EPS15: variants seen among roughly 807,000 people sequenced by gnomAD.
EPS15 encodes the protein epidermal growth factor receptor pathway substrate 15.
In EPS15, 72 loss-of-function variants were observed where a neutral mutation model predicts 113.8. That is an observed-to-expected ratio of 0.63 (90% CI 0.52 to 0.77). The LOEUF (loss-of-function observed/expected upper bound fraction) is 0.77, where lower values mean the gene tolerates loss of function less well. Ranked by LOEUF, EPS15 falls within the 30% of genes least tolerant of loss-of-function variation. EPS15 has a pLI of 0.00. For missense variants in EPS15, 1,048 were observed against 1,045.8 expected (o/e 1.00, Z -0.03); for synonymous variants, 344 against 363.4 (o/e 0.95, Z 0.61).
At chr1:51,387,278 T>C (rs1001852777) in intron 21 of EPS15, among the ~76,000 whole-genome samples, 6 of 152,030 alleles carry the variant, frequency 3.9e-5, no homozygotes, top group East Asian at 3.9e-4. Flanking sequence ...CTGAGAGATT[T>C]TGTCACCACC....
chr1:51,366,782 A>G (rs1646517174), intron 21 of EPS15, among the ~76,000 whole-genome samples: 1 of 152,210 alleles, frequency 6.6e-6, no homozygotes, highest in South Asian at 2.1e-4. Context: ...CCCTGGAGTA[A>G]CTTAGGTGTC....
chr1:51,433,350 G>A (rs143969860), intron 12 of EPS15, among the ~76,000 whole-genome samples: 10 of 152,332 alleles, frequency 6.6e-5, no homozygotes, highest in African/African-American at 1.7e-4. Flanking sequence ...CAAGCATTGC[G>A]TTAAGCATTG....
At chr1:51,466,468 A>C (rs939113431) in intron 5 of EPS15, among the ~76,000 whole-genome samples, 1 of 151,612 alleles carries the variant, frequency 6.6e-6, no homozygotes, top group African/African-American at 2.4e-5. Context: ...CCACCAAAAA[A>C]AAAATTTAGC....
intron 21 of EPS15, among the ~76,000 whole-genome samples, chr1:51,366,756 C>G (rs903839071): frequency 2.2e-4 from 34 of 152,178 alleles, no homozygotes; most frequent in Admixed American, 7.9e-4. Context: ...ATTTCAAATG[C>G]TACCTCATCA....
At chr1:51,375,075 C>A (rs1371861896) in intron 21 of EPS15, among the ~76,000 whole-genome samples, 1 of 136,098 alleles carries the variant, frequency 7.3e-6, no homozygotes, top group African/African-American at 2.8e-5. Flanking sequence ...GATCTTGGCT[C>A]ACTGCAAGCT....
At chr1:51,367,816 G>A (rs1406500519) in intron 21 of EPS15, among the ~76,000 whole-genome samples, 3 of 152,152 alleles carry the variant, frequency 2.0e-5, no homozygotes, top group African/African-American at 7.2e-5. Flanking sequence ...CAAAAGAGAA[G>A]GCAAGACAAA....
At chr1:51,471,923 G>A (rs1284166121) in intron 3 of EPS15, among the ~76,000 whole-genome samples, 186 bp from the exon 4 acceptor site, 1 of 151,936 alleles carries the variant, frequency 6.6e-6, no homozygotes, top group African/African-American at 2.4e-5. Context: ...CAGCCCACAG[G>A]CCACATGCAG....
intron 1 of EPS15, among the ~76,000 whole-genome samples, chr1:51,516,042 T>G (rs1644710534): frequency 6.6e-6 from 1 of 152,150 alleles, no homozygotes; most frequent in South Asian, 2.1e-4. Flanking sequence ...TTTTCTAATC[T>G]ACCAACAGAA....
intron 5 of EPS15, among the ~76,000 whole-genome samples, chr1:51,466,550 G>A (rs189028323): frequency 1.3e-5 from 2 of 151,674 alleles, no homozygotes; most frequent in Non-Finnish European, 2.9e-5. Context: ...TTGAACCTAG[G>A]GGGTGGAGGT....
intron 2 of EPS15, among the ~76,000 whole-genome samples, chr1:51,480,909 T>C (rs1442393271): frequency 2.6e-5 from 4 of 152,230 alleles, no homozygotes; most frequent in African/African-American, 7.2e-5. Flanking sequence ...TCATTATGTA[T>C]TTGTATAAAA....
At chr1:51,502,312 T>C (rs1644427411) in intron 1 of EPS15, among the ~76,000 whole-genome samples, 1 of 152,166 alleles carries the variant, frequency 6.6e-6, no homozygotes, top group Non-Finnish European at 1.5e-5. Context: ...CTCATTAGTA[T>C]AGTGGCAAAT....
intron 21 of EPS15, among the ~76,000 whole-genome samples, chr1:51,374,857 C>T (rs982209936): frequency 6.6e-6 from 1 of 151,966 alleles, no homozygotes; most frequent in South Asian, 2.1e-4. Flanking sequence ...GTGCATGCCA[C>T]CATGCCCAGC....
intron 12 of EPS15, among the ~76,000 whole-genome samples, chr1:51,434,725 G>A (rs1652003043): frequency 1.3e-5 from 2 of 152,184 alleles, no homozygotes; most frequent in African/African-American, 2.4e-5. Flanking sequence ...AGGCTGGAGT[G>A]CAGTGGCGTA....
At chr1:51,501,798 A>G (rs2148551939) in intron 1 of EPS15, among the ~76,000 whole-genome samples, 1 of 152,110 alleles carries the variant, frequency 6.6e-6, no homozygotes, top group Non-Finnish European at 1.5e-5. Context: ...ATTTTAAGAT[A>G]AACTACATTT....
intron 12 of EPS15, among the ~76,000 whole-genome samples, chr1:51,434,873 T>C (rs1486233471): frequency 3.3e-5 from 5 of 152,094 alleles, no homozygotes; most frequent in Admixed American, 2.6e-4. Flanking sequence ...AGTTTCATCA[T>C]GTTGGGCAGG....
chr1:51,509,101 A>G (rs1644573899), intron 1 of EPS15, among the ~76,000 whole-genome samples: 1 of 152,186 alleles, frequency 6.6e-6, no homozygotes, highest in Non-Finnish European at 1.5e-5. Context: ...CTAAAAAACC[A>G]AAAGCTACTT....
intron 17 of EPS15, 90 bp from the exon 18 acceptor site, chr1:51,402,615 T>C (rs913233298): frequency 1.2e-4 from 77 of 659,978 alleles, no homozygotes; most frequent in South Asian, 8.3e-4. Flanking sequence ...ATTCAGGTCA[T>C]ACACATGCTT....
rs200671701 is a variant in EPS15, at chr1:51,477,638, G to A, written c.75+3635C>T. 9.6e-4 allele frequency among the ~76,000 whole-genome samples: 146 copies of A among 151,996 alleles called. 1 individual carries two copies. The East Asian group carries it at 0.016, about 16-fold the overall frequency. ...ACACTGCTTTGAATGTGTCCCAGAG[G>A]TTCTGGTATGTTGTGTCTTTGTTCT... On this transcript the variant is annotated intron_variant, in intron 2 of 24. Transcript: ENST00000371733.
At chr1:51,490,447 C>T in intron 1 of EPS15, 1 of 279,116 alleles carries the variant, frequency 3.6e-6, no homozygotes, top group Non-Finnish European at 7.2e-6. Flanking sequence ...TGCCTGTAAT[C>T]CCAGCTACTC....
Sources: allele counts gnomAD v4.1 joint callset (sites outside exome capture counted in the v4.1 genomes callset), GRCh38; gene constraint gnomAD v4.1.1; transcripts MANE v1.5; gene names NCBI Gene and HGNC (gene_info 2026-07-23, HGNC 2026-07-21).